Variants in TRIO observed in about 807,000 individuals in gnomAD.
TRIO encodes the protein trio Rho guanine nucleotide exchange factor.
Under a neutral mutation model 351.9 loss-of-function variants are expected in TRIO, and 58 were observed. The ratio of observed to expected loss-of-function variants is 0.16; its 90% CI spans 0.13 to 0.21. The LOEUF is 0.21. Among genes scored for constraint, TRIO ranks in the 10% least tolerant of loss-of-function variants. The pLI is 1.00. For synonymous variants in TRIO, 1,758 were observed against 1,595.7 expected (o/e 1.10, Z -2.42); for missense variants, 3,201 against 4,027.8 (o/e 0.79, Z 5.56).
At chr5:14,396,341 C>T (rs762901611) in intron 28 of TRIO, among the ~76,000 whole-genome samples, 2 of 150,894 alleles carry the variant, frequency 1.3e-5, no homozygotes, top group East Asian at 2.0e-4. Context: ...TGCAGAGTCA[C>T]GCTGGGATTG....
At chr5:14,199,464 A>T (rs1208770498) in intron 1 of TRIO, among the ~76,000 whole-genome samples, 1 of 152,194 alleles carries the variant, frequency 6.6e-6, no homozygotes, top group Non-Finnish European at 1.5e-5. Flanking sequence ...TAAGCTTATT[A>T]GTTCTTGGAA....
At chr5:14,186,347 A>G (rs1432145234) in intron 1 of TRIO, among the ~76,000 whole-genome samples, 2 of 152,170 alleles carry the variant, frequency 1.3e-5, no homozygotes. Flanking sequence ...AAGAACTCCA[A>G]AAACATGCTT....
intron 35 of TRIO, 119 bp from the exon 36 acceptor site, chr5:14,462,636 C>A: frequency 7.2e-7 from 1 of 1,385,240 alleles, no homozygotes; most frequent in Non-Finnish European, 9.9e-7. Flanking sequence ...TCGAGAATAG[C>A]TTTGTTCCTG....
At chr5:14,505,330 A>G (rs1228231002) in intron 55 of TRIO, among the ~76,000 whole-genome samples, 1 of 152,244 alleles carries the variant, frequency 6.6e-6, no homozygotes, top group East Asian at 1.9e-4. Context: ...GACAACCCCC[A>G]TGGATTCATC....
At chr5:14,495,958 A>G (rs1485363554) in intron 49 of TRIO, among the ~76,000 whole-genome samples, 3 of 151,986 alleles carry the variant, frequency 2.0e-5, no homozygotes, top group Non-Finnish European at 2.9e-5. Context: ...ACTGAGCAAG[A>G]CTCCGTCTCA....
chr5:14,247,834 G>A (rs1028750042), intron 1 of TRIO, among the ~76,000 whole-genome samples: 6 of 152,084 alleles, frequency 3.9e-5, no homozygotes, highest in African/African-American at 1.4e-4. Flanking sequence ...TTGAGAGGCC[G>A]AGACAGGCAG....
intron 40 of TRIO, 106 bp downstream of exon 40, chr5:14,474,203 G>A: frequency 1.8e-6 from 2 of 1,085,248 alleles, no homozygotes; most frequent in Non-Finnish European, 2.7e-6. Context: ...TATTACCTGT[G>A]TAGCCTCCTG....
chr5:14,509,337 T>C lies in TRIO; in HGVS notation c.*915T>C, dbSNP rs1438242036. On this transcript the variant is annotated 3_prime_UTR_variant, in exon 57 of 57. Coordinates refer to ENST00000344204, the MANE Select transcript of TRIO (RefSeq NM_007118.4). ...ACCTCTGTTGTACCTGTAATAAATATATAGAAAAAGCACATACTTCGTATG... is the reference window on the plus strand; with the variant it reads ...ACCTCTGTTGTACCTGTAATAAATACATAGAAAAAGCACATACTTCGTATG... 1 of 436,200 alleles carries C rather than the reference T, an allele frequency of 2.3e-6. No homozygotes were observed. The highest frequency in any genetic ancestry group is 2.7e-5 in the Admixed American group (1 of 36,692). 27.0% of individuals were successfully genotyped at this position (436,200 alleles called of 1,614,324 possible). A position where few individuals can be genotyped will look rare whatever the true frequency, so the allele number is the denominator to read the frequency against.
chr5:14,403,090 G>A (rs1297883733), intron 31 of TRIO, among the ~76,000 whole-genome samples: 5 of 148,330 alleles, frequency 3.4e-5, no homozygotes, highest in Admixed American at 2.7e-4. Context: ...GGTACAGGTT[G>A]TGGTGGTGAG....
chr5:14,408,043 A>T (rs1356192339), intron 33 of TRIO, among the ~76,000 whole-genome samples: 1 of 152,292 alleles, frequency 6.6e-6, no homozygotes, highest in East Asian at 1.9e-4. Flanking sequence ...GAGACCCGGG[A>T]GTCTGTTCTC....
intron 3 of TRIO, among the ~76,000 whole-genome samples, chr5:14,281,366 G>T (rs2152277262): frequency 6.6e-6 from 1 of 151,002 alleles, no homozygotes; most frequent in South Asian, 2.1e-4. Flanking sequence ...TAAACAACCA[G>T]ATCTCATGAG....
intron 1 of TRIO, among the ~76,000 whole-genome samples, chr5:14,226,786 A>C (rs901773485): frequency 7.4e-6 from 1 of 134,518 alleles, no homozygotes; most frequent in African/African-American, 2.7e-5. Flanking sequence ...TGCTGGGTAG[A>C]GTGTTTCCAT....
chr5:14,507,203 G>T lies in TRIO; in HGVS notation c.8694G>T (p.Glu2898Asp). ...TEGKIRAHLG[E>D]VLEAVRYLHN... ...GGAAGATCAGGGCGCACCTGGGGGAGGTTCTGGAAGCTGTCCGGTACCTGC... is the reference window on the plus strand; with the variant it reads ...GGAAGATCAGGGCGCACCTGGGGGATGTTCTGGAAGCTGTCCGGTACCTGC... Residue 2898 changes from glutamate (E) to aspartate (D), a missense_variant, in exon 56 of 57, where the codon GAG (glutamate) becomes GAT (aspartate). By Grantham distance (45) the Glu-to-Asp change is conservative. Coordinates refer to ENST00000344204, the MANE Select transcript of TRIO (RefSeq NM_007118.4). 1.2e-6 allele frequency: 2 copies of T among 1,612,106 alleles called. No individual in the cohort carries two copies. Among genetic ancestry groups the T allele is most frequent in the Non-Finnish European group, 1.7e-6 (2 of 1,179,870 alleles).
At chr5:14,397,486 T>C in intron 29 of TRIO, 1 of 212,916 alleles carries the variant, frequency 4.7e-6, no homozygotes, top group Non-Finnish European at 9.4e-6. Flanking sequence ...CCCAGGACTG[T>C]AAAATCCTTA....
intron 2 of TRIO, among the ~76,000 whole-genome samples, chr5:14,278,248 T>C (rs1735709582): frequency 6.6e-6 from 1 of 152,216 alleles, no homozygotes. Flanking sequence ...TTCTCAGGTC[T>C]GGGGTGATCA....
chr5:14,266,627 TTA>T (rs1795694120), intron 1 of TRIO, among the ~76,000 whole-genome samples: 1 of 152,238 alleles, frequency 6.6e-6, no homozygotes, highest in African/African-American at 2.4e-5. Context: ...AAACTTGTAG[TTA>T]TTTTAAAATG....
At chr5:14,328,201 G>A (rs762694107) in intron 9 of TRIO, among the ~76,000 whole-genome samples, 1 of 152,062 alleles carries the variant, frequency 6.6e-6, no homozygotes, top group African/African-American at 2.4e-5. Context: ...AAAACAACGC[G>A]CTCAATACAT....
chr5:14,189,477 C>G (rs568393154), intron 1 of TRIO, among the ~76,000 whole-genome samples: 2 of 152,324 alleles, frequency 1.3e-5, no homozygotes, highest in Admixed American at 6.5e-5. Flanking sequence ...CCCCCAAATA[C>G]AAATAACAGC....
intron 19 of TRIO, among the ~76,000 whole-genome samples, chr5:14,376,567 T>C (rs544505907): frequency 7.9e-5 from 12 of 152,230 alleles, no homozygotes; most frequent in Non-Finnish European, 1.8e-4. Context: ...TAGTCATCTT[T>C]CTGTGTCAGA....
Sources: allele counts gnomAD v4.1 joint callset (sites outside exome capture counted in the v4.1 genomes callset), GRCh38; gene constraint gnomAD v4.1.1; transcripts MANE v1.5; gene names NCBI Gene and HGNC (gene_info 2026-07-23, HGNC 2026-07-21).